Variants in METTL15 observed in about 807,000 individuals in gnomAD.
METTL15 encodes the protein methyltransferase 15, mitochondrial 12S rRNA N4-cytidine.
Under a neutral mutation model 38.3 loss-of-function variants are expected in METTL15, and 34 were observed. The ratio of observed to expected loss-of-function variants is 0.89; its 90% CI spans 0.68 to 1.18. METTL15 has a LOEUF of 1.18. Among genes scored for constraint, METTL15 ranks in the 50% most tolerant of loss-of-function variants. METTL15 has a pLI of 0.00. For missense variants in METTL15, 438 were observed against 498.4 expected (o/e 0.88, Z 1.15); for synonymous variants, 162 against 170.9 (o/e 0.95, Z 0.41).
chr11:28,196,792 A>G (rs930833370), intron 3 of METTL15, among the ~76,000 whole-genome samples: 1 of 151,956 alleles, frequency 6.6e-6, no homozygotes, highest in Non-Finnish European at 1.5e-5. Context: ...TGAAAGTTGT[A>G]TAAAGTCTTT....
At chr11:28,180,142 T>G (rs1851230473) in intron 3 of METTL15, among the ~76,000 whole-genome samples, 1 of 151,912 alleles carries the variant, frequency 6.6e-6, no homozygotes, top group Non-Finnish European at 1.5e-5. Flanking sequence ...CTGAGTACTA[T>G]GGTAGACCAT....
chr11:28,328,329 C>A (rs1015200562), intron 6 of METTL15, among the ~76,000 whole-genome samples: 4 of 152,032 alleles, frequency 2.6e-5, no homozygotes, highest in Admixed American at 2.6e-4. Flanking sequence ...TACTTTAAAC[C>A]ACCAGGTTCT....
intron 6 of METTL15, among the ~76,000 whole-genome samples, chr11:28,305,726 CA>C (rs1857061208): frequency 6.6e-6 from 1 of 151,906 alleles, no homozygotes; most frequent in South Asian, 2.1e-4. Flanking sequence ...GAGTCATGAA[CA>C]AAAAGGTATG....
intron 4 of METTL15, among the ~76,000 whole-genome samples, chr11:28,241,748 G>A (rs1049134555): frequency 6.6e-6 from 1 of 152,070 alleles, no homozygotes; most frequent in African/African-American, 2.4e-5. Flanking sequence ...CAAGGTAAAG[G>A]CCTGAAAGTT....
chr11:28,233,815 T>C (rs1225814162), intron 4 of METTL15, among the ~76,000 whole-genome samples: 2 of 151,970 alleles, frequency 1.3e-5, no homozygotes, highest in African/African-American at 2.4e-5. Flanking sequence ...TTTTTTATTA[T>C]TATTATACTT....
intron 4 of METTL15, among the ~76,000 whole-genome samples, chr11:28,280,519 G>T (rs1020425450): frequency 1.1e-4 from 16 of 151,782 alleles, no homozygotes; most frequent in Admixed American, 9.9e-4. Flanking sequence ...GTAGTTTATT[G>T]TGTTTCTTTA....
chr11:28,383,484 T>C (rs1265059152), intron 5 of METTL15, among the ~76,000 whole-genome samples: 1 of 152,212 alleles, frequency 6.6e-6, no homozygotes, highest in East Asian at 1.9e-4. Flanking sequence ...ATATAACCAA[T>C]AATAGTATTG....
At chr11:28,242,607 TCTTTC>T (rs1287618783) in intron 4 of METTL15, among the ~76,000 whole-genome samples, 1 of 152,212 alleles carries the variant, frequency 6.6e-6, no homozygotes, top group African/African-American at 2.4e-5. Context: ...TTCATCAGTG[TCTTTC>T]CTTTGTTTTA....
intron 5 of METTL15, among the ~76,000 whole-genome samples, chr11:28,411,065 C>T (rs1394542919): frequency 6.6e-6 from 1 of 151,874 alleles, no homozygotes; most frequent in Non-Finnish European, 1.5e-5. Context: ...GATTTGTACA[C>T]TGAACACCAT....
At chr11:28,308,999 C>T (rs547092568) in intron 6 of METTL15, among the ~76,000 whole-genome samples, 25 of 152,126 alleles carry the variant, frequency 1.6e-4, no homozygotes, top group African/African-American at 4.6e-4. Context: ...ATAGATTGAT[C>T]GTAGGTAGAT....
At chr11:28,384,159 C>G in intron 5 of METTL15, among the ~76,000 whole-genome samples, 1 of 152,138 alleles carries the variant, frequency 6.6e-6, no homozygotes. Context: ...TTTATGGCTG[C>G]AAAGTATTCC....
At chr11:28,243,958 T>G (rs1261821230) in intron 4 of METTL15, among the ~76,000 whole-genome samples, 4 of 152,208 alleles carry the variant, frequency 2.6e-5, no homozygotes, top group Non-Finnish European at 5.9e-5. Context: ...GGATATTTCA[T>G]TTTTGCTCTA....
intron 6 of METTL15, among the ~76,000 whole-genome samples, chr11:28,447,419 C>G (rs185723526): frequency 6.6e-6 from 1 of 152,280 alleles, no homozygotes; most frequent in East Asian, 1.9e-4. Flanking sequence ...ACAGTGTCTT[C>G]TATGTCTGAG....
intron 6 of METTL15, among the ~76,000 whole-genome samples, chr11:28,466,794 T>C (rs994875798): frequency 1.3e-5 from 2 of 152,108 alleles, no homozygotes; most frequent in Admixed American, 6.6e-5. Flanking sequence ...ATGCATGCCA[T>C]TGGAGGTGGT....
At chr11:28,142,074 T>TG (rs1565120812) in intron 3 of METTL15, among the ~76,000 whole-genome samples, 1 of 152,174 alleles carries the variant, frequency 6.6e-6, no homozygotes, top group African/African-American at 2.4e-5. Flanking sequence ...TTTACTGTTA[T>TG]GGGAAAAAGC....
intron 5 of METTL15, among the ~76,000 whole-genome samples, chr11:28,374,862 G>A (rs1191301170): frequency 2.0e-5 from 3 of 150,420 alleles, no homozygotes; most frequent in Admixed American, 1.3e-4. Context: ...TTTATTGAGA[G>A]TTTTTAGCAT....
At chr11:28,485,901 T>C (rs145348172) in intron 6 of METTL15, among the ~76,000 whole-genome samples, 58 of 152,316 alleles carry the variant, frequency 3.8e-4, no homozygotes, top group African/African-American at 1.3e-3. Context: ...CTTTCTTCTA[T>C]GCGTGTGCAT....
rs563953489 is a variant in METTL15 at position 28,381,814 on chromosome 11, A to G, written c.*358+19778A>G. On this transcript the variant is annotated intron_variant and NMD_transcript_variant, in intron 5 of 7. Transcript: ENST00000532947. ...AGCTTCCTTAAAACTGGTATTTTGA[A>G]TTCTTGGTCAGATAATTCACATATT... Among the ~76,000 whole-genome samples, 49 of 152,144 alleles carry G rather than the reference A, an allele frequency of 3.2e-4. 1 individual carries two copies. The South Asian group carries it at 9.9e-3, about 31-fold the overall frequency.
chr11:28,128,221 T>TA (rs1188372806), intron 3 of METTL15, among the ~76,000 whole-genome samples: 1 of 151,998 alleles, frequency 6.6e-6, no homozygotes, highest in African/African-American at 2.4e-5. Flanking sequence ...ATAGGTTGGG[T>TA]AAAAAATAAA....
Sources: gnomAD v4.1 joint callset for allele counts (sites outside exome capture counted in the v4.1 genomes callset) on GRCh38, gnomAD v4.1.1 for gene constraint, MANE v1.5 for transcripts, NCBI Gene and HGNC (gene_info 2026-07-23, HGNC 2026-07-21) for gene names.